Variants in ETF1 observed in about 807,000 individuals in gnomAD.
ETF1 encodes eukaryotic peptide chain release factor subunit 1.
ETF1 carries 4 observed loss-of-function variants against 55.1 expected under a neutral mutation model. The ratio of observed to expected loss-of-function variants is 0.07; its 90% CI spans 0.04 to 0.17. ETF1 has a LOEUF of 0.17. Ranked by LOEUF, ETF1 falls within the 10% of genes least tolerant of loss-of-function variation. The pLI, the probability that ETF1 is intolerant of heterozygous loss-of-function variation, is 1.00. For missense variants in ETF1, 142 were observed against 523.6 expected (o/e 0.27, Z 7.11); for synonymous variants, 157 against 182.3 (o/e 0.86, Z 1.12).
intron 2 of ETF1, among the ~76,000 whole-genome samples, chr5:138,531,469 C>G (rs531212612): frequency 6.6e-6 from 1 of 152,290 alleles, no homozygotes; most frequent in Non-Finnish European, 1.5e-5. Context: ...TGTGACAGCT[C>G]AGAGATACTC....
At chr5:138,514,677 G>A (rs936092751) in intron 4 of ETF1, among the ~76,000 whole-genome samples, 2 of 150,652 alleles carry the variant, frequency 1.3e-5, no homozygotes, top group African/African-American at 4.9e-5. Flanking sequence ...TGATCCTTCT[G>A]CCTTAGCCTC....
At chr5:138,541,498 C>A (rs1324250302) in intron 2 of ETF1, 4 of 1,505,678 alleles carry the variant, frequency 2.7e-6, no homozygotes, top group South Asian at 2.4e-5. Context: ...TTATTAAGAA[C>A]AAAACACTAG....
chr5:138,519,418 C>CT (rs1485284183), intron 2 of ETF1, among the ~76,000 whole-genome samples: 1 of 151,938 alleles, frequency 6.6e-6, no homozygotes, highest in African/African-American at 2.4e-5. Flanking sequence ...AATCCCAGCA[C>CT]TTTGGGAGGC....
rs1766258317 is a variant in ETF1, at chr5:138,543,129, T to A, written c.-51A>T. ...CCCAGTCCTGGGCGGCAGCGGCTGC[T>A]CCTCCCCGGCGGCGGCTCCGCGGCG... On this transcript the variant is annotated 5_prime_UTR_variant, in exon 1 of 11. Coordinates refer to ENST00000360541, the MANE Select transcript of ETF1 (RefSeq NM_004730.4). 6 of 585,264 alleles carry A rather than the reference T, an allele frequency of 1.0e-5. No individual in the cohort carries two copies. In the East Asian group the frequency reaches 1.8e-4, roughly 18 times the overall value. 36.3% of individuals were successfully genotyped at this position (585,264 alleles called of 1,614,324 possible). A position where few individuals can be genotyped will look rare whatever the true frequency, so the allele number is the denominator to read the frequency against.
intron 4 of ETF1, among the ~76,000 whole-genome samples, chr5:138,515,870 T>G (rs568356814): frequency 6.6e-6 from 1 of 152,340 alleles, no homozygotes; most frequent in South Asian, 2.1e-4. Context: ...CAGTCTGGAT[T>G]GTCTATGCAG....
At chr5:138,509,271 C>T (rs1320764006) in intron 9 of ETF1, 14 of 677,618 alleles carry the variant, frequency 2.1e-5, no homozygotes, top group South Asian at 6.6e-5. Context: ...ATACTTTCAA[C>T]TGTTGTGATG....
chr5:138,532,300 A>G (rs1765734483), intron 2 of ETF1, among the ~76,000 whole-genome samples: 1 of 152,228 alleles, frequency 6.6e-6, no homozygotes, highest in Non-Finnish European at 1.5e-5. Context: ...ATGGGAACAG[A>G]ATAGGAGGAG....
rs1003484510 is a variant in ETF1, at chr5:138,527,715, G to A, written c.87-8848C>T. On this transcript the variant is annotated intron_variant, in intron 2 of 10. Transcript: ENST00000360541. ...TTGAGTACCAATTTTACTGGCTTAT[G>A]CTTGGTAAGCCAATTCTCAAGGGGC... Among the ~76,000 whole-genome samples, 3 of 151,636 alleles carry A rather than the reference G, an allele frequency of 2.0e-5. No homozygotes were observed. In the East Asian group the frequency reaches 5.8e-4, roughly 29 times the overall value.
At chr5:138,510,281 C>A (rs560490682) in intron 9 of ETF1, among the ~76,000 whole-genome samples, 26 of 139,406 alleles carry the variant, frequency 1.9e-4, no homozygotes, top group Non-Finnish European at 3.5e-4. Context: ...TCACTTGAGC[C>A]CAGGAGGTGG....
chr5:138,516,790 C>A (rs1180269838), intron 4 of ETF1, among the ~76,000 whole-genome samples: 1 of 152,186 alleles, frequency 6.6e-6, no homozygotes, highest in South Asian at 2.1e-4. Flanking sequence ...CTACACGATT[C>A]CACAAATCTA....
At chr5:138,532,944 CT>C (rs1249359363) in intron 2 of ETF1, among the ~76,000 whole-genome samples, 253 of 145,754 alleles carry the variant, frequency 1.7e-3, no homozygotes, top group Admixed American at 1.9e-3. Context: ...ATATAAGCTT[CT>C]TTTTTTTTTT....
At chr5:138,511,343 C>G in intron 7 of ETF1, 132 bp downstream of exon 7, 3 of 1,499,624 alleles carry the variant, frequency 2.0e-6, no homozygotes, top group Non-Finnish European at 2.7e-6. Context: ...CTAAATATTC[C>G]TTTTTACATT....
At chr5:138,512,696 G>A in intron 6 of ETF1, 68 bp downstream of exon 6, 1 of 1,366,390 alleles carries the variant, frequency 7.3e-7, no homozygotes, top group South Asian at 1.4e-5. Flanking sequence ...CTGTTCCAGT[G>A]CTCACACAGA....
At chr5:138,521,915 G>A (rs1765249118) in intron 2 of ETF1, among the ~76,000 whole-genome samples, 1 of 152,156 alleles carries the variant, frequency 6.6e-6, no homozygotes, top group Admixed American at 6.6e-5. Flanking sequence ...CACCTGGGGA[G>A]TTCATTCTAG....
intron 6 of ETF1, 61 bp downstream of exon 6, chr5:138,512,703 C>T (rs1764868582): frequency 7.0e-7 from 1 of 1,433,904 alleles, no homozygotes; most frequent in Non-Finnish European, 9.3e-7. Context: ...AGTGCTCACA[C>T]AGAGGACTCA....
Position 138,543,152 on chromosome 5 carries a change from G to C in ETF1, c.-74C>G. On this transcript the variant is annotated 5_prime_UTR_variant, in exon 1 of 11. Transcript: ENST00000360541. ...GCTCCTCCCCGGCGGCGGCTCCGCG[G>C]CGGCGGCGGCTCTGACGTAGGACAC... The C allele has an allele frequency of 1.7e-6, 1 of 579,940 alleles. No individual in the cohort carries two copies. Among genetic ancestry groups the C allele is most frequent in the East Asian group, 3.0e-5 (1 of 33,576 alleles). The allele number at this position is 579,940 out of a possible 1,614,324, so 35.9% of individuals were successfully genotyped here.
chr5:138,527,644 C>G (rs1369371031), intron 2 of ETF1, among the ~76,000 whole-genome samples: 1 of 152,198 alleles, frequency 6.6e-6, no homozygotes, highest in Non-Finnish European at 1.5e-5. Context: ...CAGGGGTCCA[C>G]TCATGCACAG....
Position 138,508,253 on chromosome 5 carries a change from T to C in ETF1, c.*52A>G. On this transcript the variant is annotated 3_prime_UTR_variant, in exon 11 of 11. Coordinates refer to ENST00000360541, the MANE Select transcript of ETF1 (RefSeq NM_004730.4). ...TGGATTCCACCATGGGTATGCTCCT[T>C]GGGTTGGATGCTGGAGGGTGAGGCA... The C allele has an allele frequency of 1.3e-6, 2 of 1,592,504 alleles. No homozygotes were observed. Among genetic ancestry groups the C allele is most frequent in the Non-Finnish European group, 1.7e-6 (2 of 1,168,150 alleles).
intron 2 of ETF1, among the ~76,000 whole-genome samples, chr5:138,540,417 A>C (rs532636158): frequency 6.6e-6 from 1 of 152,336 alleles, no homozygotes; most frequent in South Asian, 2.1e-4. Context: ...CAATTCTTCT[A>C]AAGATATTTT....
Sources: allele counts gnomAD v4.1 joint callset (sites outside exome capture counted in the v4.1 genomes callset), GRCh38; gene constraint gnomAD v4.1.1; transcripts MANE v1.5; gene names NCBI Gene and HGNC (gene_info 2026-07-23, HGNC 2026-07-21).